The following RAB28 variants were observed in gnomAD, a reference collection of about 807,000 sequenced individuals.
The protein encoded by RAB28 is ras-related protein Rab-28.
Under a neutral mutation model 31.7 loss-of-function variants are expected in RAB28, and 24 were observed. The ratio of observed to expected loss-of-function variants is 0.76; its 90% confidence interval spans 0.55 to 1.06. The LOEUF (loss-of-function observed/expected upper bound fraction) is 1.06. Among genes scored for constraint, RAB28 ranks in the 50% least tolerant of loss-of-function variants. RAB28 has a pLI of 0.00. For synonymous variants in RAB28, 100 were observed against 90.4 expected, an observed-to-expected ratio of 1.11 and a Z score of -0.60; for missense variants, 254 against 258.5, an observed-to-expected ratio of 0.98 and a Z score of 0.12.
chr4:13,449,327 T>A (rs1471858487), intron 4 of RAB28, among the ~76,000 whole-genome samples: 2 of 151,942 alleles, frequency 1.3e-5, no homozygotes, highest in Non-Finnish European at 2.9e-5. Flanking sequence ...AGTAATTTCA[T>A]ATAAATTCCA....
At chr4:13,394,382 TC>T (rs1430344316) in intron 4 of RAB28, among the ~76,000 whole-genome samples, 1 of 152,172 alleles carries the variant, frequency 6.6e-6, no homozygotes. Flanking sequence ...CATGTGCTGT[TC>T]ATAATAGGGT....
intron 4 of RAB28, among the ~76,000 whole-genome samples, chr4:13,422,364 G>C (rs1553871427): frequency 6.6e-6 from 1 of 152,170 alleles, no homozygotes; most frequent in Non-Finnish European, 1.5e-5. Flanking sequence ...TCTGGAACTA[G>C]AATTACCATT....
At chr4:13,413,732 T>C (rs1433280940) in intron 4 of RAB28, among the ~76,000 whole-genome samples, 1 of 152,210 alleles carries the variant, frequency 6.6e-6, no homozygotes, top group African/African-American at 2.4e-5. Flanking sequence ...AAAGGGGATA[T>C]AATCCCAGAT....
At chr4:13,397,049 G>A (rs548990653) in intron 4 of RAB28, among the ~76,000 whole-genome samples, 1 of 152,192 alleles carries the variant, frequency 6.6e-6, no homozygotes, top group African/African-American at 2.4e-5. Context: ...GTTGAGTGAA[G>A]AGAAATATTT....
intron 5 of RAB28, among the ~76,000 whole-genome samples, chr4:13,381,000 AG>A (rs1003963550): frequency 1.3e-5 from 2 of 152,088 alleles, no homozygotes; most frequent in Non-Finnish European, 2.9e-5. Context: ...TGTGACTGTG[AG>A]CCCCAGAGTG....
chr4:13,445,328 G>A (rs1483277240), intron 4 of RAB28, among the ~76,000 whole-genome samples: 1 of 151,920 alleles, frequency 6.6e-6, no homozygotes, highest in Non-Finnish European at 1.5e-5. Flanking sequence ...ATAGCTCAGC[G>A]AAGTTCATTA....
chr4:13,389,481 C>CTT (rs941708723), intron 4 of RAB28, among the ~76,000 whole-genome samples: 6 of 152,042 alleles, frequency 3.9e-5, no homozygotes, highest in African/African-American at 1.2e-4. Context: ...AAAAACATAG[C>CTT]TTTCCAAAGC....
At chr4:13,374,669 C>T (rs1226869708) in intron 6 of RAB28, among the ~76,000 whole-genome samples, 1 of 152,132 alleles carries the variant, frequency 6.6e-6, no homozygotes, top group African/African-American at 2.4e-5. Context: ...TCCACAAGCC[C>T]TATTGGTTCT....
intron 4 of RAB28, among the ~76,000 whole-genome samples, chr4:13,404,705 T>C (rs1711971591): frequency 6.6e-6 from 1 of 152,118 alleles, no homozygotes; most frequent in African/African-American, 2.4e-5. Flanking sequence ...AACTTATGGA[T>C]ATATAAATGG....
At chr4:13,370,985 T>C in intron 6 of RAB28, 2 of 983,366 alleles carry the variant, frequency 2.0e-6, no homozygotes, top group Non-Finnish European at 2.4e-6. Flanking sequence ...ATCCTCGCTA[T>C]CCATGTGATT....
chr4:13,413,467 T>C (rs1303895857), intron 4 of RAB28, among the ~76,000 whole-genome samples: 1 of 152,218 alleles, frequency 6.6e-6, no homozygotes, highest in African/African-American at 2.4e-5. Context: ...ATAAAGATCC[T>C]AGCAGCCCTT....
At chr4:13,476,263 AT>A (rs1296655159) in intron 2 of RAB28, among the ~76,000 whole-genome samples, 2 of 151,532 alleles carry the variant, frequency 1.3e-5, no homozygotes, top group Non-Finnish European at 3.0e-5. Flanking sequence ...AAGACCCTAA[AT>A]CATCTATCTA....
chr4:13,484,120 G>T lies in RAB28; in HGVS notation c.31C>A (p.Arg11=), dbSNP rs759075698. 1.9e-6 allele frequency: 3 copies of T among 1,599,748 alleles called. No individual in the cohort carries two copies. Among genetic ancestry groups the T allele is most frequent in the Admixed American group, 1.7e-5 (1 of 58,784 alleles). Residue 11 remains arginine, a synonymous_variant, in exon 1 of 7, where the codon CGG becomes AGG. Transcript: ENST00000330852. MSDSEEESQD[R]QLKIVVLGDG... is the part of the protein sequence containing the mutation. ...CCCAGCACGACGATTTTCAGTTGCC[G>T]GTCCTGGCTCTCCTCCTCAGAGTCC...
intron 4 of RAB28, among the ~76,000 whole-genome samples, chr4:13,427,050 G>A (rs765339840): frequency 6.6e-6 from 1 of 152,078 alleles, no homozygotes; most frequent in African/African-American, 2.4e-5. Flanking sequence ...AAATGGCTCA[G>A]TTTCATGATC....
intron 4 of RAB28, among the ~76,000 whole-genome samples, chr4:13,441,994 A>G (rs989933334): frequency 4.6e-5 from 7 of 152,254 alleles, no homozygotes; most frequent in Non-Finnish European, 1.0e-4. Flanking sequence ...TGCTTTATAC[A>G]TAACTTGAGA....
chr4:13,421,059 T>C (rs1713107365), intron 4 of RAB28, among the ~76,000 whole-genome samples: 1 of 152,196 alleles, frequency 6.6e-6, no homozygotes, highest in African/African-American at 2.4e-5. Flanking sequence ...CAGCAAAGTC[T>C]CAGGACACAA....
chr4:13,442,244 G>T (rs1304793375), intron 4 of RAB28, among the ~76,000 whole-genome samples: 1 of 152,022 alleles, frequency 6.6e-6, no homozygotes, highest in Non-Finnish European at 1.5e-5. Flanking sequence ...TCCATTTGTT[G>T]TAAGAAGAGC....
intron 1 of RAB28, among the ~76,000 whole-genome samples, chr4:13,481,990 A>G (rs1454868775): frequency 6.6e-6 from 1 of 152,156 alleles, no homozygotes; most frequent in Admixed American, 6.5e-5. Context: ...AAAATTCTTG[A>G]TTTAAGAATA....
chr4:13,428,258 C>A (rs1713620768), intron 4 of RAB28, among the ~76,000 whole-genome samples: 1 of 152,062 alleles, frequency 6.6e-6, no homozygotes, highest in African/African-American at 2.4e-5. Context: ...AGAAATTGGG[C>A]ATAAGACAAT....
Sources: gnomAD v4.1 joint callset for allele counts (sites outside exome capture counted in the v4.1 genomes callset) on GRCh38, gnomAD v4.1.1 for gene constraint, MANE v1.5 for transcripts, NCBI Gene and HGNC (gene_info 2026-07-23, HGNC 2026-07-21) for gene names.